HMCN1: variants seen among roughly 807,000 people sequenced by gnomAD.
The protein encoded by HMCN1 is hemicentin-1.
A neutral mutation model predicts 625.9 loss-of-function variants in HMCN1; 321 were observed. The ratio of observed to expected loss-of-function variants is 0.51; its 90% CI spans 0.47 to 0.56. HMCN1 has a LOEUF of 0.56. Among genes scored for constraint, HMCN1 ranks in the 20% least tolerant of loss-of-function variants. HMCN1 has a pLI of 0.00. For synonymous variants in HMCN1, 2,425 were observed against 2,417.6 expected, an observed-to-expected ratio of 1.00 and a Z score of -0.09; for missense variants, 6,588 against 6,887.3, an observed-to-expected ratio of 0.96 and a Z score of 1.54.
Position 186,093,476 on chromosome 1 carries a change from CA to C in HMCN1, c.10013-9del. 6.2e-7 allele frequency: 1 copy of C among 1,612,612 alleles called. No individual in the cohort carries two copies. The highest frequency in any genetic ancestry group is 1.7e-4 in the Middle Eastern group (1 of 5,800). ...CCTCTTCCCTCTCTCTCACTTTCTG[CA>C]CAACATAGTTACACCTACAATTAGG... is the stretch of plus-strand genomic sequence containing the variant. On this transcript the variant is annotated splice_polypyrimidine_tract_variant and intron_variant, in intron 65 of 106. Coordinates refer to ENST00000271588, the MANE Select transcript of HMCN1 (RefSeq NM_031935.3).
rs757686675 is a variant in HMCN1 at position 185,933,681 on chromosome 1, T to A, written c.1685T>A (p.Leu562Gln). The change falls in exon 11 of 107, where the codon CTG becomes CAG. Residue 562 changes from leucine to glutamine, a missense_variant. By Grantham distance (113) the Leu-to-Gln change is moderately radical. This residue lies in a region of HMCN1 where 4,628 missense variants were observed against 4,853.1 expected (regional missense o/e 0.95). Transcript: ENST00000271588. ...CAGAGGAATGACAGAGATGTCAGAC[T>A]GGCAGAGCCAGCGAGAATTAGGACC... is the stretch of plus-strand genomic sequence containing the variant. ...TWQRNDRDVR[L>Q]AEPARIRTLA... 4 of 1,614,072 alleles carry A rather than the reference T, an allele frequency of 2.5e-6. No homozygotes were observed. Among genetic ancestry groups the A allele is most frequent in the Non-Finnish European group, 2.5e-6 (3 of 1,179,964 alleles).
rs1179714159 is a variant in HMCN1, at chr1:186,112,877, T to C, written c.11055T>C (p.Gly3685=). Residue 3685 remains glycine (G), a synonymous_variant, in exon 72 of 107, where the codon GGT becomes GGC. Transcript: ENST00000271588. ...RYLQINNADL[G]DTANYTCVAS... is the part of the protein sequence containing the mutation. ...TGCAAATCAACAATGCTGACCTAGG[T>C]GATACAGCCAATTATACCTGTGTTG... is the stretch of plus-strand genomic sequence containing the variant. 6.2e-7 allele frequency: 1 copy of C among 1,614,162 alleles called. No individual in the cohort carries two copies. The highest frequency in any genetic ancestry group is 2.2e-5 in the East Asian group (1 of 44,876).
chr1:185,760,973 G>C (rs1189870403), intron 1 of HMCN1, among the ~76,000 whole-genome samples: 1 of 152,136 alleles, frequency 6.6e-6, no homozygotes, highest in Non-Finnish European at 1.5e-5. Flanking sequence ...AAAATCTGAA[G>C]TTGTAATCAT....
intron 93 of HMCN1, among the ~76,000 whole-genome samples, chr1:186,150,510 A>C (rs1274122996): frequency 6.6e-6 from 1 of 152,186 alleles, no homozygotes; most frequent in African/African-American, 2.4e-5. Context: ...CTCTCAAGTT[A>C]AGCATCTTTC....
At chr1:185,834,270 G>A (rs756244504) in intron 1 of HMCN1, among the ~76,000 whole-genome samples, 3 of 152,098 alleles carry the variant, frequency 2.0e-5, no homozygotes, top group Non-Finnish European at 4.4e-5. Flanking sequence ...GTTTTTATGG[G>A]CCAGGAGCCC....
intron 14 of HMCN1, among the ~76,000 whole-genome samples, chr1:185,968,153 A>G (rs892205825): frequency 2.6e-5 from 4 of 152,120 alleles, no homozygotes; most frequent in Admixed American, 2.6e-4. Flanking sequence ...TGAGATCAAA[A>G]TTATTTTCAT....
At chr1:186,061,739 G>A (rs1657717135) in intron 46 of HMCN1, 112 bp from the exon 47 acceptor site, 7 of 544,952 alleles carry the variant, frequency 1.3e-5, no homozygotes, top group South Asian at 6.4e-5. Context: ...CATTTTAAGG[G>A]CCTCTAAAGC....
intron 19 of HMCN1, 77 bp downstream of exon 19, chr1:185,984,390 T>C: frequency 1.5e-6 from 2 of 1,342,140 alleles, no homozygotes; most frequent in Non-Finnish European, 2.1e-6. Flanking sequence ...CAAATAACTC[T>C]GTTCCTCTAA....
chr1:186,087,799 G>A (rs1659598449), intron 60 of HMCN1, 133 bp from the exon 61 acceptor site: 4 of 1,148,130 alleles, frequency 3.5e-6, no homozygotes, highest in South Asian at 2.5e-5. Context: ...ATAAAAAATA[G>A]CAAGATTGCA....
chr1:186,088,583 T>C, intron 62 of HMCN1, 23 bp from the exon 63 acceptor site: 2 of 1,608,668 alleles, frequency 1.2e-6, no homozygotes, highest in Non-Finnish European at 1.7e-6. Context: ...TTATGTTTTA[T>C]TGTGCTTTGT....
chr1:186,114,688 T>G, intron 73 of HMCN1, 131 bp from the exon 74 acceptor site: 1 of 1,068,462 alleles, frequency 9.4e-7, no homozygotes, highest in South Asian at 1.3e-5. Flanking sequence ...AAGGGTATCA[T>G]AAACATGTGT....
At chr1:186,113,014 T>G (rs1225512419) in intron 72 of HMCN1, 61 bp downstream of exon 72, 1 of 1,587,756 alleles carries the variant, frequency 6.3e-7, no homozygotes, top group East Asian at 2.2e-5. Flanking sequence ...TTCAAAGAGA[T>G]GATAGCTTTT....
intron 103 of HMCN1, among the ~76,000 whole-genome samples, chr1:186,175,738 G>T (rs1652523089): frequency 6.6e-6 from 1 of 151,886 alleles, no homozygotes; most frequent in African/African-American, 2.4e-5. Flanking sequence ...AGTTAAAATG[G>T]CTGGGCACTG....
At chr1:186,012,376 G>A (rs1412064815) in intron 30 of HMCN1, among the ~76,000 whole-genome samples, 2 of 151,638 alleles carry the variant, frequency 1.3e-5, no homozygotes, top group Non-Finnish European at 2.9e-5. Flanking sequence ...GCTCTAAGAG[G>A]CTAATCCTTC....
intron 1 of HMCN1, among the ~76,000 whole-genome samples, chr1:185,789,081 C>T (rs1177183401): frequency 6.6e-6 from 1 of 152,132 alleles, no homozygotes. Flanking sequence ...TTAAAATTCA[C>T]ATGTAGTATT....
Position 186,037,956 on chromosome 1 carries a change from T to C in HMCN1, c.5772T>C (p.Ala1924=), listed in dbSNP as rs1655945157. The part of the protein sequence containing the change: ...HVHEPPSLED[A]GKMLNETVLV... ...TAGAACCACCTAGTCTGGAAGATGC[T>C]GGAAAAATGCTGAATGAGACTGTGT... is the stretch of plus-strand genomic sequence containing the variant. The change falls in exon 37 of 107, where the codon GCT becomes GCC. Residue 1924 remains alanine (A), a synonymous_variant. Coordinates refer to ENST00000271588, the MANE Select transcript of HMCN1 (RefSeq NM_031935.3). 1.9e-6 allele frequency: 3 copies of C among 1,612,300 alleles called. No homozygotes were observed. In the East Asian group the frequency reaches 6.7e-5, roughly 36 times the overall value.
rs760273562 is a variant in HMCN1 at position 186,053,940 on chromosome 1, G to A, written c.6816G>A (p.Ser2272=). 2.7e-5 allele frequency: 43 copies of A among 1,612,560 alleles called. No homozygotes were observed. The highest frequency in any genetic ancestry group is 3.3e-5 in the Admixed American group (2 of 59,802). ...CAGCACTCTATTCATGTGTGGCGTC[G>A]AATGTTGCTGGGACTGCAAAGAAAG... The part of the protein sequence containing the change: ...SDAALYSCVA[S]NVAGTAKKEY... Residue 2272 remains serine (S), a synonymous_variant, in exon 44 of 107, where the codon TCG becomes TCA. Coordinates refer to ENST00000271588, the MANE Select transcript of HMCN1 (RefSeq NM_031935.3).
intron 6 of HMCN1, 31 bp from the exon 7 acceptor site, chr1:185,922,348 G>GCATATGGTCAGCATA: frequency 6.2e-7 from 1 of 1,612,032 alleles, no homozygotes; most frequent in Non-Finnish European, 8.5e-7. Flanking sequence ...TGGATCAACT[G>GCATATGGTCAGCATA]CTGACCAGGT....
chr1:185,993,786 C>A (rs754562306), intron 23 of HMCN1, among the ~76,000 whole-genome samples: 5 of 152,142 alleles, frequency 3.3e-5, no homozygotes, highest in Admixed American at 6.6e-5. Context: ...TCCACATAGT[C>A]CATCCAGTTC....
Sources: allele counts gnomAD v4.1 joint callset (sites outside exome capture counted in the v4.1 genomes callset), GRCh38; gene constraint gnomAD v4.1.1; regional missense constraint gnomAD v4.1.1; transcripts MANE v1.5; gene names NCBI Gene and HGNC (gene_info 2026-07-23, HGNC 2026-07-21).